The following MYO5B variants were observed in gnomAD, a reference collection of about 807,000 sequenced individuals.
The protein encoded by MYO5B is unconventional myosin-Vb.
A neutral mutation model predicts 229.3 loss-of-function variants in MYO5B; 143 were observed. The observed-to-expected ratio is 0.62, with a 90% confidence interval of 0.54 to 0.72. MYO5B has a LOEUF of 0.72. Ranked by LOEUF, MYO5B falls within the 30% of genes least tolerant of loss-of-function variation. The pLI is 0.00. For synonymous variants in MYO5B, 918 were observed against 885.2 expected, an observed-to-expected ratio of 1.04 and a Z score of -0.66; for missense variants, 2,321 against 2,331.0, an observed-to-expected ratio of 1.00 and a Z score of 0.09.
At chr18:49,867,079 C>G (rs2024404759) in intron 27 of MYO5B, among the ~76,000 whole-genome samples, 1 of 152,134 alleles carries the variant, frequency 6.6e-6, no homozygotes, top group Non-Finnish European at 1.5e-5. Flanking sequence ...GGGAAGGAAG[C>G]TGGATCCAGG....
intron 4 of MYO5B, among the ~76,000 whole-genome samples, chr18:50,026,144 G>T (rs1372610053): frequency 6.6e-6 from 1 of 152,192 alleles, no homozygotes; most frequent in Non-Finnish European, 1.5e-5. Flanking sequence ...CACCAGAAGG[G>T]ACTATCACTT....
At chr18:50,014,288 A>AC (rs1475501178) in intron 4 of MYO5B, among the ~76,000 whole-genome samples, 3 of 92,120 alleles carry the variant, frequency 3.3e-5, no homozygotes, top group Admixed American at 1.4e-4. Context: ...GAAAAAAAAA[A>AC]AAAAAAAACT....
At chr18:49,874,169 ACATG>A (rs1478707894) in intron 26 of MYO5B, among the ~76,000 whole-genome samples, 2 of 152,264 alleles carry the variant, frequency 1.3e-5, no homozygotes, top group African/African-American at 4.8e-5. Flanking sequence ...TCCTTAATAT[ACATG>A]ACAGAGCTAT....
At chr18:49,857,768 A>G (rs1426114177) in intron 29 of MYO5B, among the ~76,000 whole-genome samples, 1 of 152,146 alleles carries the variant, frequency 6.6e-6, no homozygotes, top group Non-Finnish European at 1.5e-5. Context: ...AGGTGTGTCC[A>G]ATGTTCCACC....
At chr18:50,139,022 A>C (rs2032378416) in intron 1 of MYO5B, among the ~76,000 whole-genome samples, 1 of 152,172 alleles carries the variant, frequency 6.6e-6, no homozygotes, top group African/African-American at 2.4e-5. Context: ...AAGTTAACCC[A>C]TGCCAGTTAC....
intron 1 of MYO5B, chr18:50,097,421 A>C (rs1415093033): frequency 5.4e-6 from 2 of 367,172 alleles, no homozygotes; most frequent in African/African-American, 2.1e-5. Context: ...TTGTACTAAT[A>C]AAACTTGTTT....
At chr18:50,033,913 G>A (rs934199263) in intron 4 of MYO5B, among the ~76,000 whole-genome samples, 1 of 151,734 alleles carries the variant, frequency 6.6e-6, no homozygotes, top group Admixed American at 6.6e-5. Flanking sequence ...TGGAACTCTT[G>A]GGGGGTGGGT....
intron 3 of MYO5B, among the ~76,000 whole-genome samples, chr18:50,038,163 G>C (rs529676328): frequency 6.6e-6 from 1 of 152,314 alleles, no homozygotes; most frequent in African/African-American, 2.4e-5. Flanking sequence ...GACAAACAGA[G>C]ATATGCCTTT....
At chr18:49,894,367 G>A (rs1041916425) in intron 22 of MYO5B, among the ~76,000 whole-genome samples, 1 of 152,202 alleles carries the variant, frequency 6.6e-6, no homozygotes, top group African/African-American at 2.4e-5. Flanking sequence ...TTCCCTGGCT[G>A]GAACAGTTAT....
intron 27 of MYO5B, 21 bp downstream of exon 27, chr18:49,872,146 C>CCTGTCCCCCAAGA (rs2024462228): frequency 1.2e-6 from 2 of 1,612,684 alleles, no homozygotes; most frequent in African/African-American, 2.7e-5. Flanking sequence ...TTCCAGGAAG[C>CCTGTCCCCCAAGA]CTGTCCCCCA....
chr18:50,070,804 AC>A (rs962615518), intron 1 of MYO5B, among the ~76,000 whole-genome samples: 2 of 79,682 alleles, frequency 2.5e-5, no homozygotes, highest in African/African-American at 9.7e-5. Context: ...GCACACCCCC[AC>A]TGCCCCCTGC....
intron 39 of MYO5B, among the ~76,000 whole-genome samples, chr18:49,828,218 G>A (rs1481575337): frequency 6.6e-6 from 1 of 152,176 alleles, no homozygotes; most frequent in African/African-American, 2.4e-5. Flanking sequence ...CAGAAACCAT[G>A]GAGGCTAGGA....
At position 50,194,886 on chromosome 18, in the gene MYO5B, G is replaced by C. The variant is rs1007521035; in HGVS notation, c.-93C>G. ...CCGCCTGGCGCCATGTTCCCGGGCT[G>C]GCCTGGAGTTTCTCGATCTTCTCGC... On this transcript the variant is annotated 5_prime_UTR_variant, in exon 1 of 40. Coordinates refer to ENST00000285039, the MANE Select transcript of MYO5B (RefSeq NM_001080467.3). 5.7e-6 allele frequency: 7 copies of C among 1,226,962 alleles called. No individual in the cohort carries two copies. In the South Asian group the frequency reaches 2.6e-4, roughly 45 times the overall value. 76.0% of individuals were successfully genotyped at this position (1,226,962 alleles called of 1,614,324 possible).
At chr18:50,007,190 C>T (rs965194223) in intron 4 of MYO5B, among the ~76,000 whole-genome samples, 1 of 152,186 alleles carries the variant, frequency 6.6e-6, no homozygotes, top group Admixed American at 6.5e-5. Flanking sequence ...CCCAGGGCTC[C>T]TGGCATCCAA....
In MYO5B at chr18:49,895,333, C is replaced by A. The variant is rs147059611; in HGVS notation, c.2812-159G>T. 2.7e-3 allele frequency among the ~76,000 whole-genome samples: 410 copies of A among 152,310 alleles called. 2 individuals carry two copies. Among genetic ancestry groups the A allele is most frequent in the African/African-American group, 9.5e-3 (397 of 41,578 alleles). On this transcript the variant is annotated intron_variant, in intron 21 of 39. Coordinates refer to ENST00000285039, the MANE Select transcript of MYO5B (RefSeq NM_001080467.3). ...TGCTCAAGTGCTTGCCTGGCATCTC[C>A]CTAACAAAACACTAATGTAAACTTA...
chr18:49,897,326 G>A (rs1289090932), intron 21 of MYO5B, among the ~76,000 whole-genome samples: 1 of 152,168 alleles, frequency 6.6e-6, no homozygotes, highest in African/African-American at 2.4e-5. Flanking sequence ...AGACCTTCCA[G>A]TGGAACAAGA....
intron 1 of MYO5B, among the ~76,000 whole-genome samples, chr18:50,109,971 C>A (rs1284763862): frequency 1.3e-5 from 2 of 152,086 alleles, no homozygotes; most frequent in Admixed American, 6.5e-5. Context: ...CCTCAAAGGC[C>A]CTACCCAGTC....
In MYO5B at chr18:50,040,184, T is replaced by C; in HGVS notation, c.269A>G (p.Lys90Arg). ...LHEPAVLHNL[K>R]VRFLESNHIY... ...ATGGTTGGACTCCAGGAAACGGACC[T>C]TCAAATTATGCAAAACTGCAGGCTC... Residue 90 changes from lysine (K) to arginine (R), a missense_variant, in exon 3 of 40, where the codon AAG becomes AGG. Lys to Arg is a conservative substitution (Grantham distance 26). Around this residue, in one of 2 missense-constraint regions of MYO5B, gnomAD observed 2,113 missense variants for 2,044.7 expected, o/e 1.03. Coordinates refer to ENST00000285039, the MANE Select transcript of MYO5B (RefSeq NM_001080467.3). 2.5e-6 allele frequency: 4 copies of C among 1,612,536 alleles called. No individual in the cohort carries two copies. The South Asian group carries it at 4.4e-5, about 18-fold the overall frequency.
At chr18:50,039,720 T>A (rs1482838619) in intron 3 of MYO5B, among the ~76,000 whole-genome samples, 4 of 152,126 alleles carry the variant, frequency 2.6e-5, no homozygotes, top group African/African-American at 9.7e-5. Context: ...AAATACTCAT[T>A]GGGTATTATG....
Sources: allele counts gnomAD v4.1 joint callset (sites outside exome capture counted in the v4.1 genomes callset), GRCh38; gene constraint gnomAD v4.1.1; regional missense constraint gnomAD v4.1.1; transcripts MANE v1.5; gene names NCBI Gene and HGNC (gene_info 2026-07-23, HGNC 2026-07-21).